Variants in RAD21L1 observed in about 807,000 individuals in gnomAD.
RAD21L1 encodes double-strand-break repair protein rad21-like protein 1.
Under a neutral mutation model 69.0 loss-of-function variants are expected in RAD21L1, and 47 were observed. The ratio of observed to expected loss-of-function variants is 0.68; its 90% CI spans 0.54 to 0.87. RAD21L1 has a LOEUF of 0.87. RAD21L1 is among the 40% of genes least tolerant of loss of function. RAD21L1 has a pLI of 0.00. For synonymous variants in RAD21L1, 177 were observed against 205.8 expected (o/e 0.86, Z 1.20); for missense variants, 583 against 647.6 (o/e 0.90, Z 1.08).
chr20:1,251,966 T>C (rs1184617010), intron 13 of RAD21L1, among the ~76,000 whole-genome samples: 1 of 151,660 alleles, frequency 6.6e-6, no homozygotes, highest in East Asian at 1.9e-4. Flanking sequence ...AATCAAGGAG[T>C]AAACATATAT....
rs1282548279 is a variant in RAD21L1, at chr20:1,255,287, G to A, written c.*830G>A. ...ACACTTGTTCCTCATGTTGTTTGCA[G>A]CTACGGTCTGAGTAAAGATCACCAA... On this transcript the variant is annotated 3_prime_UTR_variant, in exon 14 of 14. Coordinates refer to ENST00000683101, the MANE Select transcript of RAD21L1 (RefSeq NM_001384355.1). Among the ~76,000 whole-genome samples, 1 of 152,142 alleles carries A rather than the reference G, an allele frequency of 6.6e-6. No homozygotes were observed. Among genetic ancestry groups the A allele is most frequent in the African/African-American group, 2.4e-5 (1 of 41,424 alleles).
At chr20:1,245,425 C>G (rs571053481) in intron 11 of RAD21L1, among the ~76,000 whole-genome samples, 61 of 152,140 alleles carry the variant, frequency 4.0e-4, no homozygotes, top group Non-Finnish European at 6.2e-4. Flanking sequence ...CAAGGCTTCA[C>G]AAATATGTAT....
intron 5 of RAD21L1, among the ~76,000 whole-genome samples, chr20:1,236,851 T>C (rs1048944651): frequency 6.6e-6 from 1 of 152,254 alleles, no homozygotes; most frequent in African/African-American, 2.4e-5. Context: ...ATTTCTTTTA[T>C]GTATTTTGTA....
intron 11 of RAD21L1, 21 bp downstream of exon 11, chr20:1,244,191 C>G (rs976379931): frequency 6.8e-7 from 1 of 1,480,528 alleles, no homozygotes; most frequent in South Asian, 1.3e-5. Context: ...CAGAGAGAAT[C>G]GTAAAAATAT....
Position 1,254,661 on chromosome 20 carries a change from G to T in RAD21L1, c.*204G>T, listed in dbSNP as rs551346505. ...AAAGAAATACTTTAAATTCTGTTTT[G>T]TTTTTTTTTGTTGTTTTTTTAAGGA... On this transcript the variant is annotated 3_prime_UTR_variant, in exon 14 of 14. Transcript: ENST00000683101. Among the ~76,000 whole-genome samples, 60 of 150,844 alleles carry T rather than the reference G, an allele frequency of 4.0e-4. No individual in the cohort carries two copies. Among genetic ancestry groups the T allele is most frequent in the African/African-American group, 1.2e-3 (49 of 41,122 alleles).
chr20:1,232,394 A>G (rs2087409785), intron 4 of RAD21L1, among the ~76,000 whole-genome samples: 1 of 152,216 alleles, frequency 6.6e-6, no homozygotes, highest in Non-Finnish European at 1.5e-5. Context: ...ACTTACTCTA[A>G]GGGGAAAGGG....
At chr20:1,239,795 G>A (rs571754158) in intron 7 of RAD21L1, among the ~76,000 whole-genome samples, 1 of 152,182 alleles carries the variant, frequency 6.6e-6, no homozygotes, top group African/African-American at 2.4e-5. Context: ...ATGATTTGAG[G>A]TATTTTAGTC....
In RAD21L1 at chr20:1,248,673, A is replaced by C. The variant is rs1363275744; in HGVS notation, c.1449A>C (p.Gly483=). 6.5e-7 allele frequency: 1 copy of C among 1,533,806 alleles called. No individual in the cohort carries two copies. The highest frequency in any genetic ancestry group is 1.4e-5 in the African/African-American group (1 of 72,372). ...ATATTGAGACAGAGAGATGGAATGGAAGAATACTTCAGATGTTAAATCGTT... is the reference window on the plus strand; with the variant it reads ...ATATTGAGACAGAGAGATGGAATGGCAGAATACTTCAGATGTTAAATCGTT... ...EENIETERWN[G]RILQMLNRLR... Residue 483 remains glycine, a synonymous_variant, in exon 13 of 14, where the codon GGA becomes GGC. Transcript: ENST00000683101.
intron 1 of RAD21L1, 112 bp from the exon 2 acceptor site, chr20:1,228,310 T>C: frequency 1.9e-6 from 1 of 519,928 alleles, no homozygotes; most frequent in African/African-American, 2.0e-5. Context: ...TATTGAATAA[T>C]TGAATTAGAA....
At chr20:1,228,729 C>T (rs752923326) in intron 2 of RAD21L1, 132 bp downstream of exon 2, 3 of 664,988 alleles carry the variant, frequency 4.5e-6, no homozygotes, top group Non-Finnish European at 7.4e-6. Flanking sequence ...CCTTTAATTC[C>T]TATAGCATTT....
chr20:1,240,511 C>A, intron 8 of RAD21L1, 77 bp downstream of exon 8: 1 of 1,476,894 alleles, frequency 6.8e-7, no homozygotes, highest in African/African-American at 1.4e-5. Context: ...TGAATAATCA[C>A]TGAAATATTA....
At position 1,242,609 on chromosome 20, in the gene RAD21L1, T is replaced by C; in HGVS notation, c.857-10T>C. ...TAACCAATCACATTTGTGCTATTTC[T>C]TATATTTAGACATTGCTGAGAAAAG... On this transcript the variant is annotated splice_polypyrimidine_tract_variant and intron_variant, in intron 8 of 13. Transcript: ENST00000683101. 3 of 1,531,006 alleles carry C rather than the reference T, an allele frequency of 2.0e-6. No individual in the cohort carries two copies. The highest frequency in any genetic ancestry group is 2.7e-6 in the Non-Finnish European group (3 of 1,128,246). 94.8% of individuals were successfully genotyped at this position (1,531,006 alleles called of 1,614,324 possible). A position where few individuals can be genotyped will look rare whatever the true frequency, so the allele number is the denominator to read the frequency against.
intron 1 of RAD21L1, chr20:1,226,457 C>G (rs1460525746): frequency 6.6e-6 from 1 of 152,620 alleles, no homozygotes; most frequent in Non-Finnish European, 1.5e-5. Flanking sequence ...TGGCGTCCCC[C>G]TGCCCCTGAG....
intron 5 of RAD21L1, 43 bp from the exon 6 acceptor site, chr20:1,238,001 C>A: frequency 9.1e-7 from 1 of 1,097,716 alleles, no homozygotes; most frequent in Non-Finnish European, 1.3e-6. Context: ...CCCTATAATT[C>A]TGTGTTTCTA....
intron 8 of RAD21L1, among the ~76,000 whole-genome samples, chr20:1,241,441 A>G (rs2087605128): frequency 1.3e-5 from 2 of 152,200 alleles, no homozygotes; most frequent in Admixed American, 6.5e-5. Flanking sequence ...GAAACATCCT[A>G]GTTGTAGGTA....
chr20:1,255,037 T>C lies in RAD21L1; in HGVS notation c.*580T>C, dbSNP rs1177338544. ...CATCATTATTTCTACACAGACTATTTGGTTGCAACGTATATCATACTTGAT... is the reference window on the plus strand; with the variant it reads ...CATCATTATTTCTACACAGACTATTCGGTTGCAACGTATATCATACTTGAT... On this transcript the variant is annotated 3_prime_UTR_variant, in exon 14 of 14. Transcript: ENST00000683101. Among the ~76,000 whole-genome samples the C allele has an allele frequency of 6.6e-6, 1 of 152,222 alleles. No homozygotes were observed. The highest frequency in any genetic ancestry group is 1.9e-4 in the East Asian group (1 of 5,206).
chr20:1,240,309 G>A lies in RAD21L1; in HGVS notation c.743-12G>A, dbSNP rs1241832247. On this transcript the variant is annotated splice_polypyrimidine_tract_variant and intron_variant, in intron 7 of 13. Transcript: ENST00000683101. ...TTTTTTTTACAATTACTTTTATGTG[G>A]ATGTTGATTAGTTGAACCAGATAAC... is the stretch of plus-strand genomic sequence containing the variant. The A allele has an allele frequency of 7.9e-6, 12 of 1,524,088 alleles. No homozygotes were observed. Among genetic ancestry groups the A allele is most frequent in the African/African-American group, 1.4e-5 (1 of 71,406 alleles). The allele number at this position is 1,524,088 out of a possible 1,614,324, so 94.4% of individuals were successfully genotyped here.
intron 11 of RAD21L1, among the ~76,000 whole-genome samples, chr20:1,244,778 C>A (rs2087687043): frequency 6.6e-6 from 1 of 152,032 alleles, no homozygotes; most frequent in South Asian, 2.1e-4. Flanking sequence ...TATAGCCACA[C>A]CAGTTAAAAA....
At chr20:1,253,309 C>A (rs2087872715) in intron 13 of RAD21L1, among the ~76,000 whole-genome samples, 1 of 151,904 alleles carries the variant, frequency 6.6e-6, no homozygotes, top group African/African-American at 2.4e-5. Flanking sequence ...TTCTTTTTTT[C>A]TTTTTTTGTG....
Sources: allele counts gnomAD v4.1 joint callset (sites outside exome capture counted in the v4.1 genomes callset), GRCh38; gene constraint gnomAD v4.1.1; transcripts MANE v1.5; gene names NCBI Gene and HGNC (gene_info 2026-07-23, HGNC 2026-07-21).